Variants in DCP1B observed in about 807,000 individuals in gnomAD.
The protein encoded by DCP1B is mRNA-decapping enzyme 1B.
DCP1B carries 47 observed loss-of-function variants against 60.5 expected under a neutral mutation model. That is an observed-to-expected ratio of 0.78 (90% CI 0.61 to 0.99). The LOEUF (loss-of-function observed/expected upper bound fraction) is 0.99, where lower values mean the gene tolerates loss of function less well. Among genes scored for constraint, DCP1B ranks in the 50% least tolerant of loss-of-function variants. The pLI is 0.00. For synonymous variants in DCP1B, 267 were observed against 280.3 expected (o/e 0.95, Z 0.47); for missense variants, 725 against 756.8 (o/e 0.96, Z 0.49).
intron 3 of DCP1B, among the ~76,000 whole-genome samples, chr12:1,988,214 T>C (rs1451029596): frequency 6.6e-6 from 1 of 152,236 alleles, no homozygotes; most frequent in African/African-American, 2.4e-5. Flanking sequence ...TACGTGTCCA[T>C]CATGGGTCAT....
At position 1,978,096 on chromosome 12, in the gene DCP1B, G is replaced by A. The variant is rs550892622; in HGVS notation, c.320-10186C>T. On this transcript the variant is annotated intron_variant, in intron 3 of 8. Transcript: ENST00000280665. ...TCCTTCCACTCAGGAAAAATATTAA[G>A]TTATACGGTTTCCATATTTTTGGCA... 3.0e-4 allele frequency among the ~76,000 whole-genome samples: 45 copies of A among 152,276 alleles called. No individual in the cohort carries two copies. In the South Asian group the frequency reaches 9.3e-3, roughly 32 times the overall value.
chr12:1,969,100 T>C (rs554622713), intron 3 of DCP1B, among the ~76,000 whole-genome samples: 3 of 152,156 alleles, frequency 2.0e-5, no homozygotes, highest in Non-Finnish European at 2.9e-5. Flanking sequence ...CAACAAAACA[T>C]GTTTTTACAA....
chr12:1,973,376 A>C (rs2033167559), intron 3 of DCP1B, among the ~76,000 whole-genome samples: 1 of 152,222 alleles, frequency 6.6e-6, no homozygotes, highest in South Asian at 2.1e-4. Context: ...TAAATAAATT[A>C]ATGTTATTAG....
At chr12:1,965,801 A>G (rs777112289) in intron 4 of DCP1B, 108 bp from the exon 5 acceptor site, 229 of 1,300,976 alleles carry the variant, frequency 1.8e-4, no homozygotes, top group Non-Finnish European at 2.3e-4. Context: ...TTACAACCAT[A>G]TTAGAAATAA....
At chr12:1,988,501 A>T (rs1171680357) in intron 3 of DCP1B, among the ~76,000 whole-genome samples, 7 of 152,246 alleles carry the variant, frequency 4.6e-5, no homozygotes, top group Non-Finnish European at 1.0e-4. Context: ...GCAAAGATAA[A>T]TAACCCTCTG....
chr12:1,997,463 C>G (rs2041212389), intron 2 of DCP1B, among the ~76,000 whole-genome samples: 1 of 152,154 alleles, frequency 6.6e-6, no homozygotes. Flanking sequence ...GAGGTTGCAG[C>G]AAGCCAAGAG....
chr12:1,944,101 CA>C (rs2030347831), downstream of DCP1B, among the ~76,000 whole-genome samples: 1 of 152,166 alleles, frequency 6.6e-6, no homozygotes, highest in Non-Finnish European at 1.5e-5. Flanking sequence ...GATACAAAAT[CA>C]ATGTGCAAAA....
At chr12:1,985,507 T>C (rs118109821) in intron 3 of DCP1B, among the ~76,000 whole-genome samples, 4,144 of 152,296 alleles carry the variant, frequency 0.027, 94 homozygotes, top group Middle Eastern at 0.054. Context: ...TTTTCAAGAG[T>C]ATCCAGTTTT....
chr12:1,968,454 C>T (rs928866022), intron 3 of DCP1B, among the ~76,000 whole-genome samples: 4 of 151,906 alleles, frequency 2.6e-5, no homozygotes, highest in East Asian at 1.9e-4. Context: ...CTGTGCTCCG[C>T]GTGAAAACAT....
chr12:1,998,711 T>C (rs1478194166), intron 1 of DCP1B, among the ~76,000 whole-genome samples: 3 of 152,212 alleles, frequency 2.0e-5, no homozygotes, highest in Non-Finnish European at 2.9e-5. Context: ...AGCTAGGCCA[T>C]TATAATATTC....
intron 6 of DCP1B, among the ~76,000 whole-genome samples, chr12:1,954,468 T>C (rs1477207779): frequency 1.3e-5 from 2 of 152,170 alleles, no homozygotes; most frequent in Non-Finnish European, 2.9e-5. Flanking sequence ...CACAGCAATA[T>C]TATATTTACA....
intron 3 of DCP1B, among the ~76,000 whole-genome samples, chr12:1,988,662 G>T (rs191159382): frequency 2.0e-5 from 3 of 152,244 alleles, no homozygotes; most frequent in Non-Finnish European, 2.9e-5. Context: ...GAGAATTTCA[G>T]GAAAACTAGG....
chr12:1,943,724 C>A (rs193224638), downstream of DCP1B, among the ~76,000 whole-genome samples: 4 of 152,130 alleles, frequency 2.6e-5, no homozygotes, highest in East Asian at 7.7e-4. Flanking sequence ...AAAAGGCCTT[C>A]GATAAAATTC....
intron 2 of DCP1B, among the ~76,000 whole-genome samples, chr12:1,997,438 T>G (rs1262343533): frequency 2.0e-5 from 3 of 152,218 alleles, no homozygotes; most frequent in Admixed American, 2.0e-4. Flanking sequence ...GAGAATCACT[T>G]GAACTCAGGA....
chr12:1,958,334 T>A (rs1215897745), intron 5 of DCP1B, among the ~76,000 whole-genome samples: 2 of 145,892 alleles, frequency 1.4e-5, no homozygotes, highest in Non-Finnish European at 3.0e-5. Flanking sequence ...AACGTCGCTC[T>A]GGGCAATGGC....
intron 7 of DCP1B, chr12:1,950,480 A>T (rs546919603): frequency 6.8e-5 from 47 of 692,830 alleles, no homozygotes; most frequent in South Asian, 2.7e-4. Context: ...AGACATTTTT[A>T]AAAAAGGGAC....
chr12:1,946,320 T>G, intron 8 of DCP1B, 34 bp from the exon 9 acceptor site: 3 of 1,553,318 alleles, frequency 1.9e-6, no homozygotes, highest in Non-Finnish European at 2.6e-6. Context: ...AAGAGAATGT[T>G]ACTTGGTTGG....
downstream of DCP1B, among the ~76,000 whole-genome samples, chr12:1,942,998 G>T (rs2030317604): frequency 6.6e-6 from 1 of 152,116 alleles, no homozygotes; most frequent in African/African-American, 2.4e-5. Context: ...AAAAATCAAT[G>T]AATCCAGGAC....
intron 3 of DCP1B, among the ~76,000 whole-genome samples, chr12:1,977,584 G>A (rs75069291): frequency 0.015 from 2,358 of 152,198 alleles, 67 homozygotes; most frequent in African/African-American, 0.051. Flanking sequence ...TTTATTTCCT[G>A]TGTTTATTTG....
Sources: allele counts gnomAD v4.1 joint callset (sites outside exome capture counted in the v4.1 genomes callset), GRCh38; gene constraint gnomAD v4.1.1; transcripts MANE v1.5; gene names NCBI Gene and HGNC (gene_info 2026-07-23, HGNC 2026-07-21).